Variants in CDC42BPA observed in about 807,000 individuals in gnomAD.
CDC42BPA encodes serine/threonine-protein kinase MRCK alpha.
In CDC42BPA, 80 loss-of-function variants were observed where a neutral mutation model predicts 223.5. That is an observed-to-expected ratio of 0.36 (90% CI 0.30 to 0.43). CDC42BPA has a LOEUF of 0.43. Ranked by LOEUF, CDC42BPA falls within the 20% of genes least tolerant of loss-of-function variation. The pLI is 1.00. For synonymous variants in CDC42BPA, 694 were observed against 718.6 expected, an observed-to-expected ratio of 0.97 and a Z score of 0.55; for missense variants, 1,743 against 2,099.9, an observed-to-expected ratio of 0.83 and a Z score of 3.32.
At chr1:227,095,657 T>A (rs933212216) in intron 15 of CDC42BPA, among the ~76,000 whole-genome samples, 5 of 150,700 alleles carry the variant, frequency 3.3e-5, no homozygotes, top group Admixed American at 1.3e-4. Context: ...AGTGGTGCGA[T>A]CTCAGCTCAC....
chr1:227,126,436 C>T (rs956771164), intron 11 of CDC42BPA, among the ~76,000 whole-genome samples: 3 of 140,100 alleles, frequency 2.1e-5, no homozygotes, highest in Admixed American at 7.7e-5. Context: ...CCACCAGCTA[C>T]GTTGACAGAG....
intron 1 of CDC42BPA, among the ~76,000 whole-genome samples, chr1:227,281,153 C>G (rs1687952885): frequency 6.6e-6 from 1 of 152,230 alleles, no homozygotes; most frequent in Non-Finnish European, 1.5e-5. Context: ...CCAAGCCAAA[C>G]TGAGAAAGTT....
In CDC42BPA at chr1:227,187,687, CCCA is replaced by C. The variant is rs1558708944; in HGVS notation, c.599+6096_599+6098del. ...GATAAATGGCACCCCCCACCCCCCC[CCCA>C]AAAAAAAAAAACTATACCTAGGCAC... On this transcript the variant is annotated intron_variant, in intron 5 of 36. Transcript: ENST00000366766. 1.8e-3 allele frequency among the ~76,000 whole-genome samples: 142 copies of C among 80,456 alleles called. 2 individuals carry two copies. The highest frequency in any genetic ancestry group is 6.4e-3 in the African/African-American group (128 of 20,010). 52.8% of individuals were successfully genotyped at this position (80,456 alleles called of 152,430 possible). A position where few individuals can be genotyped will look rare whatever the true frequency, so the allele number is the denominator to read the frequency against.
intron 21 of CDC42BPA, among the ~76,000 whole-genome samples, chr1:227,063,799 C>A (rs991541670): frequency 6.6e-6 from 1 of 152,098 alleles, no homozygotes; most frequent in Non-Finnish European, 1.5e-5. Flanking sequence ...TTGACCATTC[C>A]CCCAAGTATC....
intron 2 of CDC42BPA, among the ~76,000 whole-genome samples, chr1:227,236,286 T>C (rs1019519187): frequency 6.6e-6 from 1 of 152,210 alleles, no homozygotes; most frequent in African/African-American, 2.4e-5. Context: ...CTTTTGCTGT[T>C]TTTAAAAATC....
chr1:227,093,581 C>CA (rs1683459660), intron 15 of CDC42BPA, among the ~76,000 whole-genome samples: 1 of 152,146 alleles, frequency 6.6e-6, no homozygotes, highest in South Asian at 2.1e-4. Context: ...TTCTGGACAC[C>CA]ATAACTCATA....
At chr1:227,156,035 A>G (rs1323268794) in intron 6 of CDC42BPA, among the ~76,000 whole-genome samples, 1 of 152,238 alleles carries the variant, frequency 6.6e-6, no homozygotes, top group African/African-American at 2.4e-5. Context: ...TGGGTGATAG[A>G]GCAAGACCCT....
chr1:227,201,599 G>C (rs1275550472), intron 3 of CDC42BPA, among the ~76,000 whole-genome samples: 1 of 152,004 alleles, frequency 6.6e-6, no homozygotes, highest in African/African-American at 2.4e-5. Context: ...GTGTGCAGAG[G>C]TTACCATTAT....
chr1:227,026,402 T>C (rs545678474), intron 30 of CDC42BPA, among the ~76,000 whole-genome samples: 1 of 152,350 alleles, frequency 6.6e-6, no homozygotes, highest in African/African-American at 2.4e-5. Flanking sequence ...ACCAGGGGTA[T>C]ACTATTTCTT....
chr1:227,183,895 GT>G (rs1668345970), intron 5 of CDC42BPA, among the ~76,000 whole-genome samples: 2 of 152,132 alleles, frequency 1.3e-5, no homozygotes, highest in African/African-American at 4.8e-5. Flanking sequence ...GTTCAAACAG[GT>G]GGGTAATAAT....
chr1:227,311,157 C>T (rs931608373), intron 1 of CDC42BPA, among the ~76,000 whole-genome samples: 3 of 147,290 alleles, frequency 2.0e-5, no homozygotes, highest in African/African-American at 7.6e-5. Flanking sequence ...AGTTTGAGAC[C>T]AGTCAGGACA....
chr1:227,151,130 TA>T lies in CDC42BPA; in HGVS notation c.694-3572del, dbSNP rs1378773549. Among the ~76,000 whole-genome samples, 3 of 152,180 alleles carry T rather than the reference TA, an allele frequency of 2.0e-5. No individual in the cohort carries two copies. In the East Asian group the frequency reaches 5.8e-4, roughly 29 times the overall value. ...AAAATTTTTTCATCTTGGAAAATTT[TA>T]ACTCTGTACCCATCAGTAATTCCCC... On this transcript the variant is annotated intron_variant, in intron 6 of 36. Transcript: ENST00000366766.
At chr1:227,118,786 C>T (rs901502445) in intron 12 of CDC42BPA, among the ~76,000 whole-genome samples, 8 of 151,750 alleles carry the variant, frequency 5.3e-5, no homozygotes, top group East Asian at 1.9e-4. Flanking sequence ...ATTATTAAAG[C>T]AAATAGAACA....
intron 24 of CDC42BPA, among the ~76,000 whole-genome samples, chr1:227,036,870 C>CT (rs1670379568): frequency 6.6e-6 from 1 of 152,158 alleles, no homozygotes; most frequent in Non-Finnish European, 1.5e-5. Flanking sequence ...TGACAGGAAT[C>CT]TTTAGAAGCT....
chr1:227,067,736 C>G (rs904088707), intron 21 of CDC42BPA, among the ~76,000 whole-genome samples: 1 of 152,102 alleles, frequency 6.6e-6, no homozygotes, highest in African/African-American at 2.4e-5. Flanking sequence ...ACATCTAGAT[C>G]AAGAAGTTCC....
At chr1:227,130,449 A>T (rs1656845053) in intron 10 of CDC42BPA, among the ~76,000 whole-genome samples, 1 of 152,142 alleles carries the variant, frequency 6.6e-6, no homozygotes, top group African/African-American at 2.4e-5. Context: ...GGTTCAAAAC[A>T]TACTAAAAAC....
chr1:227,011,469 T>C lies in CDC42BPA; in HGVS notation c.4857+4611A>G, dbSNP rs189637250. On this transcript the variant is annotated intron_variant, in intron 34 of 36. Coordinates refer to ENST00000366766, the MANE Select transcript of CDC42BPA (RefSeq NM_001394014.1). ...AAGTGAACCTACAACAGCTTCTAAA[T>C]AGACGTGTTATGAAACTGTTTCTTT... Among the ~76,000 whole-genome samples, 109 of 152,264 alleles carry C rather than the reference T, an allele frequency of 7.2e-4. 1 individual carries two copies. Among genetic ancestry groups the C allele is most frequent in the African/African-American group, 2.5e-3 (104 of 41,562 alleles).
chr1:227,212,092 G>C (rs1391229610), intron 3 of CDC42BPA, among the ~76,000 whole-genome samples: 1 of 150,194 alleles, frequency 6.7e-6, no homozygotes, highest in African/African-American at 2.4e-5. Context: ...TTGTTTGTTT[G>C]TTTTTTTTAG....
rs200668164 is a variant in CDC42BPA, at chr1:227,073,901, A to G, written c.2698T>C (p.Leu900=). 32 of 1,607,298 alleles carry G rather than the reference A, an allele frequency of 2.0e-5. No homozygotes were observed. The East Asian group carries it at 2.0e-4, about 10-fold the overall frequency. The change falls in exon 19 of 37, where the codon TTG becomes CTG. Residue 900 remains leucine, a synonymous_variant. Transcript: ENST00000366766. ...ATATTAGATGCTTTAACTTTATTCA[A>G]CTCTTCTTGGATGGCCTGTTTGGCT... The part of the protein sequence containing the change: ...IRAKQAIQEE[L]NKVKASNIIT...
Sources: gnomAD v4.1 joint callset for allele counts (sites outside exome capture counted in the v4.1 genomes callset) on GRCh38, gnomAD v4.1.1 for gene constraint, MANE v1.5 for transcripts, NCBI Gene and HGNC (gene_info 2026-07-23, HGNC 2026-07-21) for gene names.